The following RNF150 variants were observed in gnomAD, a reference collection of about 807,000 sequenced individuals.
RNF150 encodes the protein ring finger protein 150.
A neutral mutation model predicts 39.3 loss-of-function variants in RNF150; 24 were observed. The observed-to-expected ratio is 0.61, with a 90% CI of 0.44 to 0.86. The LOEUF is 0.86. RNF150 is among the 40% of genes least tolerant of loss of function. RNF150 has a pLI of 0.00. For synonymous variants in RNF150, 255 were observed against 227.3 expected, an observed-to-expected ratio of 1.12 and a Z score of -1.10; for missense variants, 502 against 587.8, an observed-to-expected ratio of 0.85 and a Z score of 1.51.
chr4:141,050,276 C>T (rs1736728358), intron 1 of RNF150, among the ~76,000 whole-genome samples: 1 of 151,854 alleles, frequency 6.6e-6, no homozygotes, highest in Non-Finnish European at 1.5e-5. Context: ...AGTTACAATT[C>T]AAGATGAGAT....
chr4:141,132,617 G>GCCGCCGCCGC lies in RNF150; in HGVS notation c.182_191dup (p.Ala65ArgfsTer70). 1.9e-6 allele frequency: 3 copies of GCCGCCGCCGC among 1,539,752 alleles called. No individual in the cohort carries two copies. Among genetic ancestry groups the GCCGCCGCCGC allele is most frequent in the Non-Finnish European group, 2.6e-6 (3 of 1,146,200 alleles). On this transcript the variant is annotated frameshift_variant, in exon 1 of 7. Coordinates refer to ENST00000515673, the MANE Select transcript of RNF150 (RefSeq NM_020724.2). LOFTEE classifies it high-confidence loss of function. This position sits in a 1 kb window ranked among gnomAD's most constrained non-coding sequence, Gnocchi z 4.9. ...CCGTCTTCTCCGTGTGCAGCTCCGC[G>GCCGCCGCCGC]CCGCCGCCGCCCGCCGCCCCGGCCC...
At chr4:140,894,417 T>A (rs113789832) in intron 6 of RNF150, among the ~76,000 whole-genome samples, 9 of 152,352 alleles carry the variant, frequency 5.9e-5, no homozygotes, top group African/African-American at 2.2e-4. Context: ...AGAAAGTCAT[T>A]TTAACATGTG....
At chr4:141,158,462 C>A (rs1163284591) in intron 1 of RNF150, among the ~76,000 whole-genome samples, 3 of 142,632 alleles carry the variant, frequency 2.1e-5, no homozygotes, top group African/African-American at 2.6e-5. Context: ...GTCACTCTTT[C>A]AAAAAAAAAA....
upstream of RNF150, among the ~76,000 whole-genome samples, chr4:141,137,518 G>A (rs1727045971): frequency 1.3e-5 from 2 of 152,208 alleles, no homozygotes; most frequent in South Asian, 4.1e-4. Context: ...ACAGTTTGGA[G>A]CCTAAGTAAC....
At position 140,863,526 on chromosome 4, in the gene RNF150, T is replaced by G. The variant is rs544303965; in HGVS notation, c.*4735A>C. 6.6e-6 allele frequency: 1 copy of G among 152,340 alleles called. No homozygotes were observed. The highest frequency in any genetic ancestry group is 2.4e-5 in the African/African-American group (1 of 41,574). 9.4% of individuals were successfully genotyped at this position (152,340 alleles called of 1,614,324 possible). A position where few individuals can be genotyped will look rare whatever the true frequency, so the allele number is the denominator to read the frequency against. ...GTAATCACAATAATGATAATGACTC[T>G]GTAGGTATAGAACCTCCAGTTTTTT... On this transcript the variant is annotated 3_prime_UTR_variant, in exon 7 of 7. Transcript: ENST00000515673.
chr4:140,942,548 C>A (rs11100695), intron 4 of RNF150, among the ~76,000 whole-genome samples: 1 of 152,096 alleles, frequency 6.6e-6, no homozygotes, highest in East Asian at 1.9e-4. Context: ...TTGGTGTATC[C>A]TCTGGGAAAC....
At chr4:140,889,453 T>C (rs1434867258) in intron 6 of RNF150, among the ~76,000 whole-genome samples, 1 of 152,204 alleles carries the variant, frequency 6.6e-6, no homozygotes, top group African/African-American at 2.4e-5. Flanking sequence ...TTACTTTATG[T>C]GATGTTTTTC....
At position 140,922,695 on chromosome 4, in the gene RNF150, C is replaced by T. The variant is rs538580602; in HGVS notation, c.987+3282G>A. On this transcript the variant is annotated intron_variant, in intron 5 of 6. Coordinates refer to ENST00000515673, the MANE Select transcript of RNF150 (RefSeq NM_020724.2). The stretch of plus-strand genomic sequence containing the variant: ...TAAGGCAAAAGAACAAAGCTGGAGG[C>T]ATCATGCTACCTGACTTCAAACTTG... 1.7e-4 allele frequency among the ~76,000 whole-genome samples: 26 copies of T among 152,158 alleles called. No homozygotes were observed. The East Asian group carries it at 3.1e-3, about 18-fold the overall frequency.
At chr4:141,044,914 G>A (rs1008421177) in intron 1 of RNF150, among the ~76,000 whole-genome samples, 3 of 152,194 alleles carry the variant, frequency 2.0e-5, no homozygotes, top group African/African-American at 7.2e-5. Context: ...CAATTTGTTA[G>A]TTTAATATAT....
At chr4:140,966,481 T>C (rs2111419880) in intron 2 of RNF150, among the ~76,000 whole-genome samples, 1 of 152,238 alleles carries the variant, frequency 6.6e-6, no homozygotes, top group East Asian at 1.9e-4. Flanking sequence ...TTAATTTCCT[T>C]GACTAATAAA....
intron 1 of RNF150, among the ~76,000 whole-genome samples, chr4:141,125,216 T>C (rs1379240438): frequency 2.6e-5 from 4 of 152,158 alleles, no homozygotes; most frequent in African/African-American, 9.7e-5. Flanking sequence ...AGCCTAGCAA[T>C]GAATACCTCA....
intron 1 of RNF150, among the ~76,000 whole-genome samples, chr4:141,093,362 T>C (rs749931251): frequency 6.0e-4 from 66 of 109,846 alleles, no homozygotes; most frequent in Non-Finnish European, 9.6e-4. Context: ...CGAGACTCCA[T>C]CTCAAAAAAA....
intron 1 of RNF150, among the ~76,000 whole-genome samples, chr4:141,175,448 G>A (rs898761815): frequency 6.6e-6 from 1 of 152,214 alleles, no homozygotes; most frequent in African/African-American, 2.4e-5. Context: ...ATAGTAGAAA[G>A]TGGAAAGAAA....
rs574263900 is a variant in RNF150 at position 141,150,969 on chromosome 4, C to T, written c.-6+61825G>A. On this transcript the variant is annotated intron_variant, in intron 1 of 7. Coordinates refer to the RNF150 transcript ENST00000420921. ...TTGGGTCAGGATCTTGCTTTGTCAC[C>T]CAGGGAGGCTGGAGTGTCATGGCAC... Among the ~76,000 whole-genome samples, 39 of 152,000 alleles carry T rather than the reference C, an allele frequency of 2.6e-4. No individual in the cohort carries two copies. The South Asian group carries it at 7.5e-3, about 29-fold the overall frequency.
At chr4:141,040,273 G>A (rs1736307833) in intron 1 of RNF150, among the ~76,000 whole-genome samples, 1 of 152,048 alleles carries the variant, frequency 6.6e-6, no homozygotes, top group Non-Finnish European at 1.5e-5. Context: ...TTAACTAAAT[G>A]TGATCTCAGA....
At chr4:141,159,838 C>G (rs1202560665) in intron 1 of RNF150, among the ~76,000 whole-genome samples, 1 of 152,194 alleles carries the variant, frequency 6.6e-6, no homozygotes. Context: ...GCCACTGCGC[C>G]CAGCCTGTCT....
intron 6 of RNF150, among the ~76,000 whole-genome samples, chr4:140,885,501 A>G (rs1158279288): frequency 7.2e-6 from 1 of 138,440 alleles, no homozygotes; most frequent in East Asian, 2.1e-4. Context: ...CAGTGGTGCG[A>G]TCTCGGCTCA....
At chr4:141,013,233 C>A (rs1184650484) in intron 1 of RNF150, among the ~76,000 whole-genome samples, 2 of 152,072 alleles carry the variant, frequency 1.3e-5, no homozygotes, top group Admixed American at 6.6e-5. Context: ...CTCGGATGGA[C>A]AGTAAAATAC....
intron 1 of RNF150, among the ~76,000 whole-genome samples, chr4:141,109,287 G>A (rs1739311608): frequency 6.6e-6 from 1 of 151,888 alleles, no homozygotes; most frequent in Admixed American, 6.6e-5. Context: ...ACCTATTCTA[G>A]CTAGTATTCT....
Sources: gnomAD v4.1 joint callset for allele counts (sites outside exome capture counted in the v4.1 genomes callset) on GRCh38, gnomAD v4.1.1 for gene constraint, Gnocchi (gnomAD v3.1) non-coding constraint, MANE v1.5 for transcripts, NCBI Gene and HGNC (gene_info 2026-07-23, HGNC 2026-07-21) for gene names.